SGSM1: variants seen among roughly 807,000 people sequenced by gnomAD.
SGSM1 encodes the protein RUN and TBC1 domain containing 2.
A neutral mutation model predicts 133.8 loss-of-function variants in SGSM1; 73 were observed. The ratio of observed to expected loss-of-function variants is 0.55; its 90% confidence interval spans 0.45 to 0.66. SGSM1 has a LOEUF of 0.66. Among genes scored for constraint, SGSM1 ranks in the 30% least tolerant of loss-of-function variants. The pLI, the probability that SGSM1 is intolerant of heterozygous loss-of-function variation, is 0.00. For missense variants in SGSM1, 1,213 were observed against 1,448.1 expected, an observed-to-expected ratio of 0.84 and a Z score of 2.64; for synonymous variants, 563 against 573.0, an observed-to-expected ratio of 0.98 and a Z score of 0.25.
At chr22:24,863,683 A>G (rs1189529577) in intron 9 of SGSM1, among the ~76,000 whole-genome samples, 1 of 151,976 alleles carries the variant, frequency 6.6e-6, no homozygotes, top group African/African-American at 2.4e-5. Flanking sequence ...GGGGACCAAG[A>G]AGCAATGAAA....
intron 2 of SGSM1, among the ~76,000 whole-genome samples, chr22:24,810,098 CA>C (rs1376006528): frequency 2.6e-5 from 4 of 152,092 alleles, no homozygotes; most frequent in Non-Finnish European, 5.9e-5. Flanking sequence ...GAAGGCGGAA[CA>C]TGTGGTCTTA....
At chr22:24,868,883 G>A in intron 12 of SGSM1, 28 bp downstream of exon 12, 2 of 1,610,252 alleles carry the variant, frequency 1.2e-6, no homozygotes, top group Non-Finnish European at 1.7e-6. Flanking sequence ...GGGCCCCGGG[G>A]AGTCACCTGC....
chr22:24,867,015 G>A (rs903310316), intron 9 of SGSM1, 78 bp from the exon 10 acceptor site: 2 of 1,385,214 alleles, frequency 1.4e-6, no homozygotes, highest in African/African-American at 2.8e-5. Context: ...TCCTGGTTGT[G>A]GTCTGCTGGC....
At chr22:24,872,501 GTC>G (rs1242546104) in intron 12 of SGSM1, among the ~76,000 whole-genome samples, 2 of 151,754 alleles carry the variant, frequency 1.3e-5, no homozygotes, top group Admixed American at 6.6e-5. Flanking sequence ...AAAAAAAAAA[GTC>G]TCAATAATTT....
intron 14 of SGSM1, among the ~76,000 whole-genome samples, chr22:24,882,715 T>C (rs1338965000): frequency 1.3e-5 from 2 of 152,130 alleles, no homozygotes; most frequent in African/African-American, 4.8e-5. Context: ...TCCACCTCCA[T>C]GAAAACTACT....
chr22:24,893,722 G>T, intron 17 of SGSM1, 109 bp downstream of exon 17: 1 of 1,220,732 alleles, frequency 8.2e-7, no homozygotes, highest in Non-Finnish European at 1.1e-6. Context: ...CCTGGTGACA[G>T]TCTCACCCCT....
chr22:24,814,361 G>C (rs1464475277), intron 2 of SGSM1, among the ~76,000 whole-genome samples: 4 of 152,082 alleles, frequency 2.6e-5, no homozygotes, highest in African/African-American at 9.7e-5. Context: ...CCATGAAGTA[G>C]ATAAAATCCC....
At chr22:24,810,617 G>A (rs1927679353) in intron 2 of SGSM1, among the ~76,000 whole-genome samples, 1 of 152,190 alleles carries the variant, frequency 6.6e-6, no homozygotes, top group South Asian at 2.1e-4. Flanking sequence ...CCTGCCTCTG[G>A]GCTGGGCCTA....
At chr22:24,849,117 T>G (rs547306584) in intron 4 of SGSM1, among the ~76,000 whole-genome samples, 2 of 152,290 alleles carry the variant, frequency 1.3e-5, no homozygotes, top group East Asian at 3.9e-4. Context: ...TTTATTCATA[T>G]ATGCAATCAC....
At chr22:24,829,469 C>T (rs189346632) in intron 2 of SGSM1, among the ~76,000 whole-genome samples, 77 of 152,288 alleles carry the variant, frequency 5.1e-4, no homozygotes, top group African/African-American at 1.8e-3. Context: ...AACAAACTCA[C>T]GTGACATGAG....
In SGSM1 at chr22:24,866,910, G is replaced by A. The variant is rs574840205; in HGVS notation, c.927-183G>A. On this transcript the variant is annotated intron_variant, in intron 9 of 24. Transcript: ENST00000400358. ...TGGGGGTGGGAAGGATGGTAACCTC[G>A]GAAAATTGGGGTTCTGAGACCAGAA... Among the ~76,000 whole-genome samples, 16 of 152,210 alleles carry A rather than the reference G, an allele frequency of 1.1e-4. 1 individual carries two copies. Among genetic ancestry groups the A allele is most frequent in the Middle Eastern group, 3.4e-3 (1 of 294 alleles).
At chr22:24,828,134 G>A (rs1209547474) in intron 2 of SGSM1, among the ~76,000 whole-genome samples, 1 of 152,056 alleles carries the variant, frequency 6.6e-6, no homozygotes, top group African/African-American at 2.4e-5. Flanking sequence ...AGAAGCTGAG[G>A]AATCCCTTCT....
At chr22:24,879,711 G>A (rs555979505) in intron 14 of SGSM1, among the ~76,000 whole-genome samples, 185 bp downstream of exon 14, 2 of 152,320 alleles carry the variant, frequency 1.3e-5, no homozygotes, top group East Asian at 3.9e-4. Flanking sequence ...CTACTGACGG[G>A]ATAAATTTTA....
Position 24,898,343 on chromosome 22 carries a change from C to T in SGSM1, c.2394C>T (p.Ile798=). The T allele has an allele frequency of 1.2e-6, 2 of 1,613,896 alleles. No homozygotes were observed. Among genetic ancestry groups the T allele is most frequent in the Non-Finnish European group, 1.7e-6 (2 of 1,179,876 alleles). The change falls in exon 19 of 25, where the codon ATC becomes ATT. Residue 798 remains isoleucine (I), a synonymous_variant. Transcript: ENST00000400358. Reference sequence around the variant, plus strand: ...AGAGCATGGACGAGTTCATGTCCATCACGGGCAGCCTGGACATGGCCCTGC... The same window carrying T: ...AGAGCATGGACGAGTTCATGTCCATTACGGGCAGCCTGGACATGGCCCTGC... ...ANESMDEFMS[I]TGSLDMALPE... is the part of the protein sequence containing the mutation.
chr22:24,917,088 T>C (rs546513924), intron 22 of SGSM1, among the ~76,000 whole-genome samples: 1 of 151,216 alleles, frequency 6.6e-6, no homozygotes, highest in East Asian at 1.9e-4. Flanking sequence ...AGACAGGGTC[T>C]TGCTATGTTG....
intron 2 of SGSM1, among the ~76,000 whole-genome samples, chr22:24,822,088 C>CTCTTTTTTT (rs1555920070): frequency 3.3e-4 from 32 of 96,128 alleles, no homozygotes; most frequent in Non-Finnish European, 5.2e-4. Context: ...TCATCTCTCT[C>CTCTTTTTTT]TTTTTTTTTT....
At position 24,903,924 on chromosome 22, in the gene SGSM1, A is replaced by G. The variant is rs1601976892; in HGVS notation, c.2736-1181A>G. Among the ~76,000 whole-genome samples, 3 of 149,186 alleles carry G rather than the reference A, an allele frequency of 2.0e-5. No homozygotes were observed. In the East Asian group the frequency reaches 6.1e-4, roughly 30 times the overall value. On this transcript the variant is annotated intron_variant, in intron 20 of 24. Transcript: ENST00000400358. ...GAAGTGGAGGTTGCAGTGAGCCAAGATTGCACCATTGCACTCCAGCATGGG... is the reference window on the plus strand; with the variant it reads ...GAAGTGGAGGTTGCAGTGAGCCAAGGTTGCACCATTGCACTCCAGCATGGG...
intron 2 of SGSM1, among the ~76,000 whole-genome samples, chr22:24,825,691 A>G (rs758238256): frequency 3.9e-5 from 6 of 152,088 alleles, no homozygotes; most frequent in Non-Finnish European, 7.4e-5. Context: ...CAGCCTCCCA[A>G]AGTGCTGGGA....
chr22:24,903,975 CAAAAAGAAAA>C (rs1569172738), intron 20 of SGSM1, among the ~76,000 whole-genome samples: 3 of 90,216 alleles, frequency 3.3e-5, no homozygotes, highest in East Asian at 2.6e-4. Flanking sequence ...TCTGTCTCAA[CAAAAAGAAAA>C]AAAAAAAAAA....
Sources: allele counts gnomAD v4.1 joint callset (sites outside exome capture counted in the v4.1 genomes callset), GRCh38; gene constraint gnomAD v4.1.1; transcripts MANE v1.5; gene names NCBI Gene and HGNC (gene_info 2026-07-23, HGNC 2026-07-21).